The following FAF2 variants were observed in gnomAD, a reference collection of about 807,000 sequenced individuals.
FAF2 encodes the protein FAS-associated factor 2.
FAF2 carries 9 observed loss-of-function variants against 62.3 expected under a neutral mutation model. That is an observed-to-expected ratio of 0.14 (90% confidence interval 0.09 to 0.25). The LOEUF (loss-of-function observed/expected upper bound fraction) is 0.25. Ranked by LOEUF, FAF2 falls within the 10% of genes least tolerant of loss-of-function variation. FAF2 has a pLI of 1.00. For missense variants in FAF2, 368 were observed against 556.2 expected (o/e 0.66, Z 3.40); for synonymous variants, 202 against 198.0 (o/e 1.02, Z -0.17).
intron 3 of FAF2, among the ~76,000 whole-genome samples, 192 bp downstream of exon 3, chr5:176,486,681 T>G (rs1758880372): frequency 1.3e-5 from 2 of 152,260 alleles, no homozygotes; most frequent in Non-Finnish European, 2.9e-5. Flanking sequence ...TCATTTTTTT[T>G]TTCTTTTCTT....
chr5:176,450,796 G>A (rs186140926), intron 1 of FAF2, among the ~76,000 whole-genome samples: 1 of 152,196 alleles, frequency 6.6e-6, no homozygotes, highest in Admixed American at 6.5e-5. Context: ...CTCGTGATCC[G>A]CCCTCCTCGG....
At chr5:176,471,910 A>T (rs1366501964) in intron 1 of FAF2, among the ~76,000 whole-genome samples, 1 of 148,228 alleles carries the variant, frequency 6.7e-6, no homozygotes, top group African/African-American at 2.5e-5. Flanking sequence ...ACAAATTCCT[A>T]ACCTCGTGAT....
intron 1 of FAF2, among the ~76,000 whole-genome samples, chr5:176,457,862 G>T (rs972586810): frequency 6.6e-6 from 1 of 152,178 alleles, no homozygotes; most frequent in Admixed American, 6.6e-5. Flanking sequence ...ATTTTTAAAT[G>T]TGTGTTTGTA....
chr5:176,499,112 G>A lies in FAF2; in HGVS notation c.1011+27G>A. 1.9e-6 allele frequency: 3 copies of A among 1,541,350 alleles called. No homozygotes were observed. The South Asian group carries it at 3.6e-5, about 18-fold the overall frequency. ...TAATGGACGTGTGGCTTTACTCCCT[G>A]TGGTTCCCAAACTGCCGAGACTTTG... On this transcript the variant is annotated intron_variant, in intron 9 of 10. Coordinates refer to ENST00000261942, the MANE Select transcript of FAF2 (RefSeq NM_014613.3).
intron 10 of FAF2, among the ~76,000 whole-genome samples, chr5:176,501,129 A>AT (rs1561829061): frequency 8.8e-4 from 132 of 149,370 alleles, no homozygotes; most frequent in African/African-American, 2.9e-3. Context: ...TAAAAAAAAA[A>AT]AATAAATAAT....
At chr5:176,487,364 G>A (rs56057925) in intron 3 of FAF2, among the ~76,000 whole-genome samples, 27,673 of 152,094 alleles carry the variant, frequency 0.18, 2,603 homozygotes, top group African/African-American at 0.21. Context: ...TGTATTTTTT[G>A]TAGAGATGGG....
intron 1 of FAF2, among the ~76,000 whole-genome samples, chr5:176,462,034 T>C (rs1008753527): frequency 2.0e-5 from 3 of 152,154 alleles, no homozygotes; most frequent in Non-Finnish European, 2.9e-5. Context: ...CCCAACACTT[T>C]ATGAGACTGA....
intron 1 of FAF2, among the ~76,000 whole-genome samples, chr5:176,477,623 A>G (rs184854362): frequency 3.9e-5 from 6 of 152,314 alleles, no homozygotes; most frequent in Non-Finnish European, 8.8e-5. Context: ...AAACATTAAC[A>G]TTTTTTATTG....
At chr5:176,462,441 T>C (rs1758393594) in intron 1 of FAF2, among the ~76,000 whole-genome samples, 1 of 151,726 alleles carries the variant, frequency 6.6e-6, no homozygotes, top group African/African-American at 2.4e-5. Flanking sequence ...CTGGCCAACA[T>C]GGTGAAACCC....
At position 176,499,092 on chromosome 5, in the gene FAF2, G is replaced by C. The variant is rs201482220; in HGVS notation, c.1011+7G>C. ...AGAGGAGAGACGGCGGCAGGTAATG[G>C]ACGTGTGGCTTTACTCCCTGTGGTT... On this transcript the variant is annotated splice_region_variant and intron_variant, in intron 9 of 10. Transcript: ENST00000261942. The C allele has an allele frequency of 1.1e-5, 17 of 1,566,794 alleles. No individual in the cohort carries two copies. The highest frequency in any genetic ancestry group is 1.7e-6 in the Non-Finnish European group (2 of 1,154,674).
At chr5:176,496,009 A>AGT in intron 7 of FAF2, among the ~76,000 whole-genome samples, 1 of 152,224 alleles carries the variant, frequency 6.6e-6, no homozygotes, top group East Asian at 1.9e-4. Context: ...ACAGGGAAAA[A>AGT]CTGTGCCAGA....
chr5:176,450,643 T>C (rs1054246049), intron 1 of FAF2, among the ~76,000 whole-genome samples: 1 of 151,818 alleles, frequency 6.6e-6, no homozygotes, highest in African/African-American at 2.4e-5. Context: ...AACCTCCGCC[T>C]TCCAGTTTCA....
rs56324116 is a variant in FAF2, at chr5:176,454,577, G to GAAAAAAAAA, written c.63+6133_63+6141dup. On this transcript the variant is annotated intron_variant, in intron 1 of 10. Transcript: ENST00000261942. Reference sequence around the variant, plus strand: ...TGGGCAACAGAGCCAGATTCTGTCTGAAAAAAAAAAAAAAAAAAAAAAAAA... The same window carrying GAAAAAAAAA: ...TGGGCAACAGAGCCAGATTCTGTCTGAAAAAAAAAAAAAAAAAAAAAAAAAAAAAAAAAA... Among the ~76,000 whole-genome samples, 7 of 95,304 alleles carry GAAAAAAAAA rather than the reference G, an allele frequency of 7.3e-5. 1 individual carries two copies. Among genetic ancestry groups the GAAAAAAAAA allele is most frequent in the East Asian group, 2.9e-4 (1 of 3,492 alleles). 62.5% of individuals were successfully genotyped at this position (95,304 alleles called of 152,430 possible).
intron 4 of FAF2, among the ~76,000 whole-genome samples, chr5:176,491,862 A>G (rs1453421913): frequency 6.6e-6 from 1 of 152,158 alleles, no homozygotes; most frequent in East Asian, 1.9e-4. Context: ...GCATAGCCTG[A>G]CACATGATCT....
chr5:176,499,110 C>G, intron 9 of FAF2, 25 bp downstream of exon 9: 1 of 1,540,734 alleles, frequency 6.5e-7, no homozygotes, highest in East Asian at 2.4e-5. Context: ...GCTTTACTCC[C>G]TGTGGTTCCC....
At chr5:176,450,614 C>G (rs534057759) in intron 1 of FAF2, among the ~76,000 whole-genome samples, 1 of 150,470 alleles carries the variant, frequency 6.6e-6, no homozygotes, top group South Asian at 2.1e-4. Flanking sequence ...AGTGCAGTGG[C>G]GCGATCTCGG....
At chr5:176,450,391 G>A (rs1758141537) in intron 1 of FAF2, among the ~76,000 whole-genome samples, 1 of 152,152 alleles carries the variant, frequency 6.6e-6, no homozygotes, top group African/African-American at 2.4e-5. Flanking sequence ...TTACCCCTTA[G>A]AACTCTTCAG....
chr5:176,467,736 C>G (rs1046299155), intron 1 of FAF2, among the ~76,000 whole-genome samples: 2 of 152,214 alleles, frequency 1.3e-5, no homozygotes, highest in Non-Finnish European at 2.9e-5. Context: ...TTCAAAGATT[C>G]AGTATTCTCA....
rs768497212 is a variant in FAF2 at position 176,506,791 on chromosome 5, C to T, written c.1179C>T (p.Ser393=). ...SLTVIHDFLF[S]LKESPEKFQI... ...AGGTAATCCACGACTTCTTATTCTC[C>T]TTGAAGGAAAGCCCAGAAAAGTTTC... The change falls in exon 11 of 11, where the codon TCC becomes TCT. Residue 393 remains serine (S), a synonymous_variant. Coordinates refer to ENST00000261942, the MANE Select transcript of FAF2 (RefSeq NM_014613.3). 18 of 1,613,600 alleles carry T rather than the reference C, an allele frequency of 1.1e-5. No individual in the cohort carries two copies. Among genetic ancestry groups the T allele is most frequent in the African/African-American group, 2.7e-5 (2 of 74,838 alleles).
Sources: gnomAD v4.1 joint callset for allele counts (sites outside exome capture counted in the v4.1 genomes callset) on GRCh38, gnomAD v4.1.1 for gene constraint, MANE v1.5 for transcripts, NCBI Gene and HGNC (gene_info 2026-07-23, HGNC 2026-07-21) for gene names.